CPNE5: variants seen among roughly 807,000 people sequenced by gnomAD.
CPNE5 encodes the protein copine-5.
In CPNE5, 42 loss-of-function variants were observed where a neutral mutation model predicts 81.1. The observed-to-expected ratio is 0.52, with a 90% CI of 0.40 to 0.67. The LOEUF is 0.67. CPNE5 is among the 30% of genes least tolerant of loss of function. The pLI is 0.00. For synonymous variants in CPNE5, 313 were observed against 321.5 expected, an observed-to-expected ratio of 0.97 and a Z score of 0.28; for missense variants, 612 against 815.5, an observed-to-expected ratio of 0.75 and a Z score of 3.04.
intron 8 of CPNE5, among the ~76,000 whole-genome samples, chr6:36,789,955 G>A (rs752738476): frequency 1.6e-4 from 25 of 152,156 alleles, no homozygotes; most frequent in Non-Finnish European, 2.9e-4. Context: ...AGACTGCCCT[G>A]TACTATCGAT....
chr6:36,743,891 T>A, intron 19 of CPNE5, 129 bp from the exon 20 acceptor site: 1 of 808,482 alleles, frequency 1.2e-6, no homozygotes, highest in Non-Finnish European at 2.0e-6. Context: ...TGCCCCGTGT[T>A]AGAGATGAGG....
rs150578398 is a variant in CPNE5, at chr6:36,824,670, G to T, written c.96-1572C>A. 1.6e-3 allele frequency among the ~76,000 whole-genome samples: 249 copies of T among 152,344 alleles called. 1 individual carries two copies. Among genetic ancestry groups the T allele is most frequent in the African/African-American group, 5.6e-3 (232 of 41,578 alleles). ...AACTTCAAATATCAGAGCTAGGCCG[G>T]GTGTGGCTGCTCATGCCTGTATTCC... On this transcript the variant is annotated intron_variant, in intron 1 of 20. Transcript: ENST00000244751.
intron 3 of CPNE5, among the ~76,000 whole-genome samples, chr6:36,804,097 A>G (rs1163843707): frequency 6.6e-6 from 1 of 152,258 alleles, no homozygotes; most frequent in East Asian, 1.9e-4. Flanking sequence ...TGAGGAAACT[A>G]AAAATCAGAG....
intron 8 of CPNE5, among the ~76,000 whole-genome samples, chr6:36,782,105 C>T (rs1310962320): frequency 6.6e-6 from 1 of 152,186 alleles, no homozygotes; most frequent in Non-Finnish European, 1.5e-5. Context: ...ATAGCCATCT[C>T]TTGTGGGGAG....
chr6:36,746,975 G>GA lies in CPNE5; in HGVS notation c.1019-399_1019-398insT, dbSNP rs1554193499. On this transcript the variant is annotated intron_variant, in intron 15 of 20. Coordinates refer to ENST00000244751, the MANE Select transcript of CPNE5 (RefSeq NM_020939.2). The surrounding 1 kb of genome is among the most constrained non-coding windows in gnomAD (Gnocchi z 4.5). Reference sequence around the variant, plus strand: ...CCAAAGTCCTCACAAGAGCCCGCAAGCACTCATGATCTGGCCTCCAGGTCA... The same window carrying GA: ...CCAAAGTCCTCACAAGAGCCCGCAAGACACTCATGATCTGGCCTCCAGGTCA... Among the ~76,000 whole-genome samples the GA allele has an allele frequency of 0.011, 1 of 94 alleles. No individual in the cohort carries two copies. Among genetic ancestry groups the GA allele is most frequent in the African/African-American group, 0.038 (1 of 26 alleles). 0.1% of individuals were successfully genotyped at this position (94 alleles called of 152,430 possible).
chr6:36,742,407 G>A lies in CPNE5; in HGVS notation c.1643C>T (p.Ala548Val). 6.2e-7 allele frequency: 1 copy of A among 1,613,712 alleles called. No homozygotes were observed. The highest frequency in any genetic ancestry group is 8.5e-7 in the Non-Finnish European group (1 of 1,180,008). ...GGACACCAGTTGGTCAGGGATCTCT[G>A]CCAGCACGTCTCGGGCCAGGCGGGC... ...SMARLARDVLAEIPDQLVSYM... is the reference protein window; with the variant it reads ...SMARLARDVLVEIPDQLVSYM... Residue 548 changes from alanine (A) to valine (V), a missense_variant, in exon 21 of 21, where the codon GCA becomes GTA. Ala to Val is a moderately conservative substitution (Grantham distance 64, BLOSUM62 0). Transcript: ENST00000244751.
intron 10 of CPNE5, 50 bp downstream of exon 10, chr6:36,774,911 G>A (rs369734859): frequency 6.3e-5 from 90 of 1,423,286 alleles, no homozygotes; most frequent in Admixed American, 8.7e-5. Context: ...TTGTGCTTGG[G>A]GAGGGCCCAG....
chr6:36,801,946 C>T (rs1451447057), intron 3 of CPNE5, among the ~76,000 whole-genome samples: 3 of 152,112 alleles, frequency 2.0e-5, no homozygotes, highest in African/African-American at 4.8e-5. Context: ...TGCGGCTGGG[C>T]GCGGTGGCTG....
intron 15 of CPNE5, 76 bp downstream of exon 15, chr6:36,748,145 C>T (rs542452486): frequency 5.9e-5 from 80 of 1,362,184 alleles, no homozygotes; most frequent in Non-Finnish European, 7.8e-5. Context: ...GGTCATGGTC[C>T]CAGCCAGGGC....
chr6:36,817,829 T>C (rs1718497910), intron 3 of CPNE5, among the ~76,000 whole-genome samples: 1 of 152,140 alleles, frequency 6.6e-6, no homozygotes, highest in African/African-American at 2.4e-5. Context: ...GGGCTCCTGG[T>C]CCTGTTTGGA....
rs185399391 is a variant in CPNE5 at position 36,786,292 on chromosome 6, G to A, written c.528+5741C>T. ...ATGGCAGAAGCAGGAAACCTGGGGC[G>A]TCAGCGAACACCCCACAGGCTGGAG... is the stretch of plus-strand genomic sequence containing the variant. On this transcript the variant is annotated intron_variant, in intron 8 of 20. Transcript: ENST00000244751. Among the ~76,000 whole-genome samples, 31 of 152,260 alleles carry A rather than the reference G, an allele frequency of 2.0e-4. No homozygotes were observed. In the East Asian group the frequency reaches 2.5e-3, roughly 12 times the overall value.
rs536172703 is a variant in CPNE5, at chr6:36,768,626, T to C, written c.738-3250A>G. On this transcript the variant is annotated intron_variant, in intron 10 of 20. Coordinates refer to ENST00000244751, the MANE Select transcript of CPNE5 (RefSeq NM_020939.2). ...CTGCTGGCCTTGGCTCCTAACCCCT[T>C]AGCACAGGGCCAACAAAAGCTGCGG... 8.9e-4 allele frequency among the ~76,000 whole-genome samples: 135 copies of C among 152,302 alleles called. 1 individual carries two copies. Among genetic ancestry groups the C allele is most frequent in the African/African-American group, 3.1e-3 (130 of 41,578 alleles).
At chr6:36,776,614 G>A (rs1054057772) in intron 9 of CPNE5, among the ~76,000 whole-genome samples, 1 of 152,088 alleles carries the variant, frequency 6.6e-6, no homozygotes, top group Non-Finnish European at 1.5e-5. Context: ...AGCCCTGCTA[G>A]GCTCCAAATA....
intron 10 of CPNE5, among the ~76,000 whole-genome samples, chr6:36,765,690 A>G (rs898267941): frequency 2.0e-5 from 3 of 152,222 alleles, no homozygotes; most frequent in Non-Finnish European, 4.4e-5. Flanking sequence ...TAAGCTCAGC[A>G]TGGAGCTGCA....
intron 13 of CPNE5, chr6:36,754,322 A>G (rs1178891128): frequency 6.6e-6 from 1 of 151,872 alleles, no homozygotes; most frequent in Non-Finnish European, 1.5e-5. Context: ...TGCCCTGACC[A>G]TATGGGTTCA....
chr6:36,836,736 CTCCTCCTCCTTT>C (rs902208326), intron 1 of CPNE5, among the ~76,000 whole-genome samples: 1 of 152,122 alleles, frequency 6.6e-6, no homozygotes, highest in Non-Finnish European at 1.5e-5. Flanking sequence ...CTGTGCTCCT[CTCCTCCTCCTTT>C]TCCTCCTCCT....
At chr6:36,786,269 G>A (rs76969785) in intron 8 of CPNE5, among the ~76,000 whole-genome samples, 2,216 of 152,222 alleles carry the variant, frequency 0.015, 50 homozygotes, top group African/African-American at 0.05. Context: ...GGGATAGGAT[G>A]GCAGAAGCAG....
chr6:36,795,533 A>T (rs1769488009), intron 6 of CPNE5, among the ~76,000 whole-genome samples: 1 of 152,136 alleles, frequency 6.6e-6, no homozygotes, highest in Non-Finnish European at 1.5e-5. Context: ...ATGGCAGTGG[A>T]CCCTAATCCA....
chr6:36,838,077 C>T (rs193084776), intron 1 of CPNE5, among the ~76,000 whole-genome samples: 3 of 152,268 alleles, frequency 2.0e-5, no homozygotes, highest in East Asian at 1.9e-4. Flanking sequence ...CCTTCACTGC[C>T]ACTTATCCCC....
Sources: gnomAD v4.1 joint callset for allele counts (sites outside exome capture counted in the v4.1 genomes callset) on GRCh38, gnomAD v4.1.1 for gene constraint, Gnocchi (gnomAD v3.1) non-coding constraint, MANE v1.5 for transcripts, NCBI Gene and HGNC (gene_info 2026-07-23, HGNC 2026-07-21) for gene names.